The following PBX3 variants were observed in gnomAD, a reference collection of about 807,000 sequenced individuals.
PBX3 encodes PBX homeobox 3.
Under a neutral mutation model 48.5 loss-of-function variants are expected in PBX3, and 14 were observed. The ratio of observed to expected loss-of-function variants is 0.29; its 90% confidence interval spans 0.19 to 0.45. PBX3 has a LOEUF of 0.45. PBX3 is among the 20% of genes least tolerant of loss of function. The probability of loss-of-function intolerance (pLI) is 1.00; values close to 1 mark genes in which losing one functional copy is unlikely to be tolerated. For synonymous variants in PBX3, 210 were observed against 200.3 expected (o/e 1.05, Z -0.41); for missense variants, 386 against 546.7 (o/e 0.71, Z 2.93).
chr9:125,956,693 C>G (rs1228803984), intron 5 of PBX3, among the ~76,000 whole-genome samples: 1 of 152,200 alleles, frequency 6.6e-6, no homozygotes, highest in African/African-American at 2.4e-5. Flanking sequence ...TTTAATTGAT[C>G]TTAAAATTCT....
intron 2 of PBX3, among the ~76,000 whole-genome samples, chr9:125,905,761 T>G (rs1459352691): frequency 6.6e-6 from 1 of 152,060 alleles, no homozygotes; most frequent in Non-Finnish European, 1.5e-5. Flanking sequence ...AGCCACTTTT[T>G]GTAATTTGTA....
chr9:125,886,663 C>T (rs201322955), intron 2 of PBX3, among the ~76,000 whole-genome samples: 1 of 152,044 alleles, frequency 6.6e-6, no homozygotes, highest in Non-Finnish European at 1.5e-5. Context: ...TGTATTTTTT[C>T]CCTTTTCTCA....
At chr9:125,811,531 CTT>C (rs1295634919) in intron 2 of PBX3, among the ~76,000 whole-genome samples, 6 of 152,184 alleles carry the variant, frequency 3.9e-5, no homozygotes, top group African/African-American at 1.4e-4. Flanking sequence ...CTCTGTCTTG[CTT>C]CCCTGTGAAG....
rs891797491 is a variant in PBX3, at chr9:125,938,953, G to GA, written c.843+3356dup. Among the ~76,000 whole-genome samples the GA allele has an allele frequency of 9.0e-3, 1,321 of 146,706 alleles. 23 individuals carry two copies. The highest frequency in any genetic ancestry group is 0.031 in the African/African-American group (1,260 of 40,156). On this transcript the variant is annotated intron_variant, in intron 5 of 8. Coordinates refer to ENST00000373489, the MANE Select transcript of PBX3 (RefSeq NM_006195.6). ...AGTATAACTTAGCCTCAGATGTTCA[G>GA]AAAAAAAAAATGTGTGTTTGCATGT... is the stretch of plus-strand genomic sequence containing the variant.
Position 125,848,579 on chromosome 9 carries a change from A to G in PBX3, c.275-67107A>G, listed in dbSNP as rs1030782301. ...ATTGTTATGGTCAGTAGCATTTAGA[A>G]TAGAAGACAAATAGTCTTACTACAT... On this transcript the variant is annotated intron_variant, in intron 2 of 8. Transcript: ENST00000373489. 2.0e-5 allele frequency among the ~76,000 whole-genome samples: 3 copies of G among 152,052 alleles called. No homozygotes were observed. The South Asian group carries it at 6.2e-4, about 31-fold the overall frequency.
At chr9:125,877,049 G>A (rs756080246) in intron 2 of PBX3, among the ~76,000 whole-genome samples, 3 of 152,110 alleles carry the variant, frequency 2.0e-5, no homozygotes, top group Admixed American at 6.5e-5. Flanking sequence ...TGGGATTACA[G>A]GCGTGAGCCA....
intron 2 of PBX3, among the ~76,000 whole-genome samples, chr9:125,767,411 G>T (rs1273420608): frequency 1.3e-5 from 2 of 152,138 alleles, no homozygotes; most frequent in Non-Finnish European, 2.9e-5. Context: ...TTCTTAAAAA[G>T]TCATGTAATT....
intron 2 of PBX3, among the ~76,000 whole-genome samples, chr9:125,836,927 A>G (rs1839154690): frequency 6.6e-6 from 1 of 152,222 alleles, no homozygotes; most frequent in Admixed American, 6.5e-5. Context: ...AGAAATTGCT[A>G]GTGGGAACAT....
At chr9:125,869,721 C>G (rs1029601702) in intron 2 of PBX3, among the ~76,000 whole-genome samples, 4 of 151,788 alleles carry the variant, frequency 2.6e-5, no homozygotes, top group Non-Finnish European at 5.9e-5. Context: ...CTTTCACTAC[C>G]AATAGAATTC....
At chr9:125,790,057 A>C in intron 2 of PBX3, among the ~76,000 whole-genome samples, 1 of 152,216 alleles carries the variant, frequency 6.6e-6, no homozygotes, top group East Asian at 1.9e-4. Flanking sequence ...AGTTATCTGA[A>C]GACATCTGCA....
chr9:125,938,755 C>T lies in PBX3; in HGVS notation c.843+3148C>T, dbSNP rs1248630311. Among the ~76,000 whole-genome samples, 5 of 152,172 alleles carry T rather than the reference C, an allele frequency of 3.3e-5. No individual in the cohort carries two copies. The East Asian group carries it at 9.6e-4, about 29-fold the overall frequency. ...AGAGATAGGACAAGTAATTGCAATA[C>T]TTTACCCTAGACTGGATTCTGTACT... is the stretch of plus-strand genomic sequence containing the variant. On this transcript the variant is annotated intron_variant, in intron 5 of 8. Transcript: ENST00000373489.
chr9:125,852,816 CAGTT>C (rs1359758128), intron 2 of PBX3, among the ~76,000 whole-genome samples: 1 of 152,108 alleles, frequency 6.6e-6, no homozygotes, highest in African/African-American at 2.4e-5. Flanking sequence ...TTAAACACAA[CAGTT>C]AGTAGTGACT....
chr9:125,906,464 A>G (rs1374073268), intron 2 of PBX3, among the ~76,000 whole-genome samples: 2 of 152,028 alleles, frequency 1.3e-5, no homozygotes, highest in East Asian at 1.9e-4. Context: ...TGTAATTTAT[A>G]TATTCACTTT....
intron 2 of PBX3, among the ~76,000 whole-genome samples, chr9:125,760,016 CGG>C (rs1836622300): frequency 6.6e-6 from 1 of 152,148 alleles, no homozygotes; most frequent in Non-Finnish European, 1.5e-5. Flanking sequence ...AGCAAGAACT[CGG>C]TAGTTGCTGC....
intron 2 of PBX3, among the ~76,000 whole-genome samples, chr9:125,837,070 T>C (rs1839158771): frequency 6.6e-6 from 1 of 152,328 alleles, no homozygotes; most frequent in African/African-American, 2.4e-5. Context: ...GAAATATATG[T>C]GTTCAGAGAT....
At chr9:125,845,150 A>T (rs772599745) in intron 2 of PBX3, among the ~76,000 whole-genome samples, 2 of 152,088 alleles carry the variant, frequency 1.3e-5, no homozygotes, top group African/African-American at 2.4e-5. Flanking sequence ...CCGTACCTAA[A>T]TCTTTCGGAA....
intron 2 of PBX3, among the ~76,000 whole-genome samples, chr9:125,786,304 GT>G (rs1326421712): frequency 3.9e-5 from 6 of 152,164 alleles, no homozygotes; most frequent in African/African-American, 1.4e-4. Context: ...ATCAGGGAGA[GT>G]TCCAGGGCAT....
At chr9:125,820,273 C>A (rs960463427) in intron 2 of PBX3, among the ~76,000 whole-genome samples, 1 of 152,094 alleles carries the variant, frequency 6.6e-6, no homozygotes, top group Non-Finnish European at 1.5e-5. Context: ...TTTGCTTCAC[C>A]CAAATAGATT....
chr9:125,773,716 G>A (rs1364845389), intron 2 of PBX3, among the ~76,000 whole-genome samples: 3 of 152,064 alleles, frequency 2.0e-5, no homozygotes, highest in African/African-American at 7.2e-5. Context: ...GTAGAACTGC[G>A]GGGTCGTAGC....
Sources: allele counts gnomAD v4.1 joint callset (sites outside exome capture counted in the v4.1 genomes callset), GRCh38; gene constraint gnomAD v4.1.1; transcripts MANE v1.5; gene names NCBI Gene and HGNC (gene_info 2026-07-23, HGNC 2026-07-21).